Variants in EPG5 observed in about 807,000 individuals in gnomAD.
EPG5 encodes the protein ectopic P granules protein 5 homolog.
EPG5 carries 159 observed loss-of-function variants against 302.7 expected under a neutral mutation model. That is an observed-to-expected ratio of 0.53 (90% CI 0.46 to 0.60). The LOEUF (loss-of-function observed/expected upper bound fraction) is 0.60, where lower values mean the gene tolerates loss of function less well. Ranked by LOEUF, EPG5 falls within the 20% of genes least tolerant of loss-of-function variation. The probability of loss-of-function intolerance (pLI) is 0.00; values close to 1 mark genes in which losing one functional copy is unlikely to be tolerated. For synonymous variants in EPG5, 1,158 were observed against 1,136.8 expected, an observed-to-expected ratio of 1.02 and a Z score of -0.37; for missense variants, 2,896 against 3,092.4, an observed-to-expected ratio of 0.94 and a Z score of 1.51.
intron 25 of EPG5, 123 bp downstream of exon 25, chr18:45,903,850 T>C (rs2049682220): frequency 2.0e-6 from 2 of 1,019,826 alleles, no homozygotes; most frequent in South Asian, 1.9e-5. Context: ...CTGAAATCTC[T>C]TTTTAAAGCA....
chr18:45,805,590 T>C, the EPG5 span, among the ~76,000 whole-genome samples: 5 of 152,212 alleles, frequency 3.3e-5, 1 homozygote, highest in Admixed American at 3.3e-4. Context: ...GAGCTTGTTG[T>C]AATGGCTTAA....
chr18:45,828,404 T>TCC, the EPG5 span, among the ~76,000 whole-genome samples: 11 of 151,798 alleles, frequency 7.2e-5, no homozygotes, highest in African/African-American at 2.7e-4. Context: ...CTCCTCCATC[T>TCC]CCCCCCATAT....
the EPG5 span, among the ~76,000 whole-genome samples, chr18:45,810,055 T>C: frequency 6.6e-6 from 1 of 152,058 alleles, no homozygotes. Flanking sequence ...ACCACAGAAA[T>C]ACAAAAGATC....
In EPG5 at chr18:45,879,068, C is replaced by G; in HGVS notation, c.5814G>C (p.Leu1938=). The G allele has an allele frequency of 1.2e-6, 2 of 1,614,152 alleles. No homozygotes were observed. Among genetic ancestry groups the G allele is most frequent in the Non-Finnish European group, 1.7e-6 (2 of 1,180,032 alleles). Residue 1938 remains leucine, a synonymous_variant, in exon 33 of 44, where the codon CTG becomes CTC. Transcript: ENST00000282041. ...KTFLGYLVKR[L]IDLEMTCLAQ... is the part of the protein sequence containing the mutation. ...CCAAACAGGTCATTTCTAAGTCAAT[C>G]AGCCTTTTCACAAGGTAGCCCAAGA...
intron 23 of EPG5, among the ~76,000 whole-genome samples, chr18:45,909,108 T>G (rs1748016273): frequency 6.6e-6 from 1 of 152,274 alleles, no homozygotes; most frequent in South Asian, 2.1e-4. Context: ...CTGGCCTGAC[T>G]TTACTCAATA....
Position 45,923,329 on chromosome 18 carries a change from G to C in EPG5, c.2777C>G (p.Ala926Gly), listed in dbSNP as rs367881374. Residue 926 changes from alanine (A) to glycine (G), a missense_variant, in exon 15 of 44, where the codon GCT becomes GGT. Coordinates refer to ENST00000282041, the MANE Select transcript of EPG5 (RefSeq NM_020964.3). ...CTTCTGTGCAAGGTACTTCTGATAA[G>C]CTTCAAGAACCATTAAAGCCACTTC... ...HAEVALMVLE[A>G]YQKYLAQKPY... 2 of 1,613,862 alleles carry C rather than the reference G, an allele frequency of 1.2e-6. No individual in the cohort carries two copies. Among genetic ancestry groups the C allele is most frequent in the African/African-American group, 2.7e-5 (2 of 74,916 alleles).
At chr18:45,821,429 G>A in the EPG5 span, among the ~76,000 whole-genome samples, 11 of 152,134 alleles carry the variant, frequency 7.2e-5, no homozygotes, top group Non-Finnish European at 1.5e-5. Flanking sequence ...ATCACAAGGT[G>A]CCTAAGACAA....
At chr18:45,904,724 C>T (rs147463192) in intron 24 of EPG5, among the ~76,000 whole-genome samples, 22 of 146,648 alleles carry the variant, frequency 1.5e-4, no homozygotes, top group African/African-American at 5.1e-4. Context: ...CTGATTTAAA[C>T]TATGAAAATA....
chr18:45,870,790 A>T, intron 35 of EPG5, 48 bp from the exon 36 acceptor site: 5 of 211,650 alleles, frequency 2.4e-5, no homozygotes, highest in South Asian at 2.3e-4. Context: ...GTTTACCTTA[A>T]AAAAAAAAAA....
chr18:45,824,613 A>T, the EPG5 span, among the ~76,000 whole-genome samples: 91 of 152,336 alleles, frequency 6.0e-4, no homozygotes, highest in Admixed American at 6.5e-4. Flanking sequence ...AAGAAGTTGA[A>T]GGAGTCCCAT....
chr18:45,827,708 T>G, the EPG5 span, among the ~76,000 whole-genome samples: 1 of 152,202 alleles, frequency 6.6e-6, no homozygotes. Flanking sequence ...TGGCCCTCAG[T>G]GGCCGCACGA....
intron 26 of EPG5, among the ~76,000 whole-genome samples, chr18:45,900,404 CAAAAAAAAAA>C (rs375366452): frequency 1.8e-5 from 2 of 111,980 alleles, no homozygotes; most frequent in Non-Finnish European, 3.5e-5. Flanking sequence ...GACTCTGTCT[CAAAAAAAAAA>C]AAAAAAAAGG....
chr18:45,920,587 G>T (rs2050133152), intron 16 of EPG5, among the ~76,000 whole-genome samples: 1 of 152,224 alleles, frequency 6.6e-6, no homozygotes. Flanking sequence ...GAGCTGGCAG[G>T]TTCAGAGATC....
the EPG5 span, among the ~76,000 whole-genome samples, chr18:45,811,313 T>C: frequency 4.6e-5 from 7 of 152,052 alleles, no homozygotes; most frequent in East Asian, 9.7e-4. Context: ...AATTCAGCAG[T>C]TTCAAATTCT....
rs2145588298 is a variant in EPG5 at position 45,901,036 on chromosome 18, G to A, written c.4606C>T (p.Leu1536=). ...VLLSQKDATQ[L]VCTDLNLLQQ... ...AACAGATTCAGGTCTGTGCACACCA[G>A]CTGGGTGGCGTCCTTCTGACTCAAT... The change falls in exon 26 of 44, where the codon CTG becomes TTG. Residue 1536 remains leucine (L), a synonymous_variant. Transcript: ENST00000282041. 1 of 1,614,120 alleles carries A rather than the reference G, an allele frequency of 6.2e-7. No individual in the cohort carries two copies. Among genetic ancestry groups the A allele is most frequent in the East Asian group, 2.2e-5 (1 of 44,878 alleles).
intron 16 of EPG5, among the ~76,000 whole-genome samples, chr18:45,918,280 G>C (rs1419716352): frequency 6.6e-6 from 1 of 152,166 alleles, no homozygotes; most frequent in Non-Finnish European, 1.5e-5. Context: ...TGAAATGCTT[G>C]AGACCAAGTA....
chr18:45,829,062 G>A, the EPG5 span: 1 of 984,874 alleles, frequency 1.0e-6, no homozygotes, highest in Non-Finnish European at 1.2e-6. Context: ...TATGGAGGCT[G>A]GGCAGGGGGT....
chr18:45,838,764 C>T, the EPG5 span: 3 of 1,576,506 alleles, frequency 1.9e-6, no homozygotes, highest in East Asian at 2.3e-5. Context: ...GTCCGGCTCA[C>T]GCCTTCCGCG....
chr18:45,852,007 T>C lies in EPG5; in HGVS notation c.*460A>G, dbSNP rs2048429621. Reference sequence around the variant, plus strand: ...GTCCACATTTGAGAAATGCAGAAATTTTTCAAAATTGACTTCTTTACTTTG... The same window carrying C: ...GTCCACATTTGAGAAATGCAGAAATCTTTCAAAATTGACTTCTTTACTTTG... On this transcript the variant is annotated 3_prime_UTR_variant, in exon 44 of 44. Transcript: ENST00000282041. 6.5e-6 allele frequency: 1 copy of C among 152,922 alleles called. No individual in the cohort carries two copies. Among genetic ancestry groups the C allele is most frequent in the African/African-American group, 2.4e-5 (1 of 41,464 alleles). The allele number at this position is 152,922 out of a possible 1,614,324, so 9.5% of individuals were successfully genotyped here. A position where few individuals can be genotyped will look rare whatever the true frequency, so the allele number is the denominator to read the frequency against.
Sources: gnomAD v4.1 joint callset for allele counts (sites outside exome capture counted in the v4.1 genomes callset) on GRCh38, gnomAD v4.1.1 for gene constraint, MANE v1.5 for transcripts, NCBI Gene and HGNC (gene_info 2026-07-23, HGNC 2026-07-21) for gene names.